The following MYO3B variants were observed in gnomAD, a reference collection of about 807,000 sequenced individuals.
MYO3B encodes the protein myosin IIIB.
In MYO3B, 156 loss-of-function variants were observed where a neutral mutation model predicts 174.6. The observed-to-expected ratio is 0.89, with a 90% CI of 0.78 to 1.02. The LOEUF (loss-of-function observed/expected upper bound fraction) is 1.02, where lower values mean the gene tolerates loss of function less well. Among genes scored for constraint, MYO3B ranks in the 50% least tolerant of loss-of-function variants. MYO3B has a pLI of 0.00. For synonymous variants in MYO3B, 563 were observed against 569.1 expected (o/e 0.99, Z 0.15); for missense variants, 1,632 against 1,639.4 (o/e 1.00, Z 0.08).
At chr2:170,226,876 C>A (rs1212759676) in intron 6 of MYO3B, among the ~76,000 whole-genome samples, 1 of 152,164 alleles carries the variant, frequency 6.6e-6, no homozygotes, top group African/African-American at 2.4e-5. Context: ...AGGGTCAAAG[C>A]ATCTGCTGTT....
intron 1 of MYO3B, among the ~76,000 whole-genome samples, chr2:170,197,022 T>G (rs572466180): frequency 1.1e-3 from 163 of 152,000 alleles, no homozygotes; most frequent in Middle Eastern, 3.4e-3. Context: ...TTTCAGGTTT[T>G]TTTTTTTTTT....
At chr2:170,211,345 A>G (rs907914239) in intron 3 of MYO3B, among the ~76,000 whole-genome samples, 5 of 152,226 alleles carry the variant, frequency 3.3e-5, no homozygotes, top group Admixed American at 2.0e-4. Flanking sequence ...ATCCACTTTT[A>G]ATTAAACTGA....
intron 8 of MYO3B, chr2:170,343,887 A>G (rs1300838267): frequency 1.3e-5 from 2 of 152,240 alleles, no homozygotes; most frequent in Admixed American, 6.5e-5. Context: ...ACTAGTTGGG[A>G]TTAAGATCAA....
chr2:170,332,901 C>T (rs2093921859), intron 7 of MYO3B, among the ~76,000 whole-genome samples: 1 of 152,152 alleles, frequency 6.6e-6, no homozygotes, highest in South Asian at 2.1e-4. Context: ...TGGACCCTTG[C>T]CAGGTCACTC....
chr2:170,281,019 A>G (rs888067031), intron 7 of MYO3B, among the ~76,000 whole-genome samples: 1 of 152,120 alleles, frequency 6.6e-6, no homozygotes, highest in Non-Finnish European at 1.5e-5. Context: ...GAAGAATGTC[A>G]TTTGTAATTT....
At chr2:170,588,080 A>G (rs1693595205) in intron 32 of MYO3B, among the ~76,000 whole-genome samples, 1 of 152,036 alleles carries the variant, frequency 6.6e-6, no homozygotes. Context: ...GAAGGCTACA[A>G]ATTAAAACCC....
At chr2:170,415,771 C>T (rs1017468378) in intron 22 of MYO3B, among the ~76,000 whole-genome samples, 4 of 152,184 alleles carry the variant, frequency 2.6e-5, no homozygotes, top group African/African-American at 9.7e-5. Flanking sequence ...TACTTGTACG[C>T]AGCATCCCTT....
At chr2:170,218,751 C>G (rs572610142) in intron 6 of MYO3B, among the ~76,000 whole-genome samples, 3 of 152,286 alleles carry the variant, frequency 2.0e-5, no homozygotes, top group African/African-American at 7.2e-5. Flanking sequence ...AAATAGTCAT[C>G]CAGATGATCT....
rs1363423210 is a variant in MYO3B, at chr2:170,611,944, C to G, written c.3734-39684C>G. 4.6e-5 allele frequency among the ~76,000 whole-genome samples: 7 copies of G among 152,126 alleles called. No individual in the cohort carries two copies. The East Asian group carries it at 1.2e-3, about 25-fold the overall frequency. On this transcript the variant is annotated intron_variant, in intron 32 of 34. Coordinates refer to ENST00000408978, the MANE Select transcript of MYO3B (RefSeq NM_138995.5). ...CCATTTCCTCCTTGGCCCAAAAATG[C>G]TTCTCAAAAAATAGAAAAATTATGT...
intron 1 of MYO3B, among the ~76,000 whole-genome samples, chr2:170,179,658 A>G (rs2092373103): frequency 6.6e-6 from 1 of 152,180 alleles, no homozygotes; most frequent in Non-Finnish European, 1.5e-5. Flanking sequence ...GGCCCTCACC[A>G]GATGTGGCCC....
Position 170,405,652 on chromosome 2 carries a change from T to C in MYO3B, c.2520+19T>C. On this transcript the variant is annotated intron_variant, in intron 21 of 34. Coordinates refer to ENST00000408978, the MANE Select transcript of MYO3B (RefSeq NM_138995.5). Reference sequence around the variant, plus strand: ...TGGAAAGGTGAGGCCAGTGTGACAGTTATTAGACCTGAATTTGGCAAAGGG... The same window carrying C: ...TGGAAAGGTGAGGCCAGTGTGACAGCTATTAGACCTGAATTTGGCAAAGGG... 1 of 1,608,934 alleles carries C rather than the reference T, an allele frequency of 6.2e-7. No individual in the cohort carries two copies. The highest frequency in any genetic ancestry group is 8.5e-7 in the Non-Finnish European group (1 of 1,177,056).
intron 29 of MYO3B, among the ~76,000 whole-genome samples, chr2:170,516,591 C>T (rs577106118): frequency 1.7e-4 from 25 of 150,030 alleles, no homozygotes; most frequent in South Asian, 1.1e-3. Context: ...TGCAGTGAGC[C>T]GAGATCGCGC....
chr2:170,499,736 G>C lies in MYO3B; in HGVS notation c.3217G>C (p.Gly1073Arg). ...RVVVLQAYTK[G>R]WLGARRYKRV... ...GGTTGTGCTGCAGGCATATACCAAGGGGTGGCTTGGAGCCAGGAGATACAA... is the reference window on the plus strand; with the variant it reads ...GGTTGTGCTGCAGGCATATACCAAGCGGTGGCTTGGAGCCAGGAGATACAA... Residue 1073 changes from glycine to arginine, a missense_variant, in exon 27 of 35, where the codon GGG becomes CGG. Physicochemically the swap from Gly to Arg is moderately radical, Grantham distance 125. Transcript: ENST00000408978. 1 of 1,614,110 alleles carries C rather than the reference G, an allele frequency of 6.2e-7. No individual in the cohort carries two copies. Among genetic ancestry groups the C allele is most frequent in the Admixed American group, 1.7e-5 (1 of 60,022 alleles).
At chr2:170,357,449 G>A (rs2094131246) in intron 8 of MYO3B, among the ~76,000 whole-genome samples, 1 of 149,746 alleles carries the variant, frequency 6.7e-6, no homozygotes, top group Admixed American at 6.7e-5. Context: ...CTGACAGAAA[G>A]CCCAGAGCCC....
chr2:170,468,149 G>A (rs1466105563), intron 25 of MYO3B, among the ~76,000 whole-genome samples: 1 of 152,036 alleles, frequency 6.6e-6, no homozygotes, highest in African/African-American at 2.4e-5. Flanking sequence ...CAAGTTAATT[G>A]GTATTTTGAT....
At position 170,200,206 on chromosome 2, in the gene MYO3B, T is replaced by C. The variant is rs781390337; in HGVS notation, c.243T>C (p.His81=). The C allele has an allele frequency of 6.2e-7, 1 of 1,613,584 alleles. No individual in the cohort carries two copies. Among genetic ancestry groups the C allele is most frequent in the South Asian group, 1.1e-5 (1 of 91,034 alleles). ...ACATTTTGCAGTTCCTTCCTAATCATCCCAATGTTGTAAAGTTTTATGGGA... is the reference window on the plus strand; with the variant it reads ...ACATTTTGCAGTTCCTTCCTAATCACCCCAATGTTGTAAAGTTTTATGGGA... ...EYNILQFLPN[H]PNVVKFYGMF... The change falls in exon 3 of 35, where the codon CAT becomes CAC. Residue 81 remains histidine, a synonymous_variant. Transcript: ENST00000408978.
At chr2:170,634,315 A>C (rs1697277046) in intron 32 of MYO3B, among the ~76,000 whole-genome samples, 1 of 152,154 alleles carries the variant, frequency 6.6e-6, no homozygotes, top group Admixed American at 6.5e-5. Context: ...ATAACACCAC[A>C]CATCTACAAC....
At chr2:170,511,675 C>G (rs13428417) in intron 28 of MYO3B, among the ~76,000 whole-genome samples, 1,622 of 152,268 alleles carry the variant, frequency 0.011, 27 homozygotes, top group African/African-American at 0.037. Context: ...TATTTGCTGT[C>G]GTTCCTTCTA....
intron 22 of MYO3B, among the ~76,000 whole-genome samples, chr2:170,432,949 TA>T (rs563436501): frequency 3.6e-4 from 55 of 152,292 alleles, no homozygotes; most frequent in African/African-American, 9.6e-4. Context: ...TAGTGTACAG[TA>T]ATGTACACTA....
Sources: allele counts gnomAD v4.1 joint callset (sites outside exome capture counted in the v4.1 genomes callset), GRCh38; gene constraint gnomAD v4.1.1; transcripts MANE v1.5; gene names NCBI Gene and HGNC (gene_info 2026-07-23, HGNC 2026-07-21).